The following FAM240B variants were observed in gnomAD, a reference collection of about 807,000 sequenced individuals.
The protein encoded by FAM240B is protein FAM240B.
Position 38,703,762 on chromosome 9 carries a change from G to A in FAM240B, c.143+95C>T, listed in dbSNP as rs1290517965. 3.0e-5 allele frequency: 12 copies of A among 397,512 alleles called. No individual in the cohort carries two copies. In the East Asian group the frequency reaches 4.3e-4, roughly 14 times the overall value. The allele number at this position is 397,512 out of a possible 1,614,324, so 24.6% of individuals were successfully genotyped here. On this transcript the variant is annotated intron_variant, in intron 2 of 2. Coordinates refer to ENST00000637493, the MANE Select transcript of FAM240B (RefSeq NM_001394922.1). Reference sequence around the variant, plus strand: ...AGCATATGTACCTTCCTACAGCAGTGGGTACCAAAGAGAATTCCCTACCTG... The same window carrying A: ...AGCATATGTACCTTCCTACAGCAGTAGGTACCAAAGAGAATTCCCTACCTG...
chr9:38,706,870 C>T lies in FAM240B; in HGVS notation c.-3-2868G>A, dbSNP rs7870925. ...TGAAAGAGAAGCCACTAACAAAATA[C>T]ATCTGATTTTACATTTTCATTCATA... On this transcript the variant is annotated intron_variant, in intron 1 of 2. Transcript: ENST00000637493. 1.3e-3 allele frequency among the ~76,000 whole-genome samples: 194 copies of T among 152,334 alleles called. 1 individual carries two copies. Among genetic ancestry groups the T allele is most frequent in the African/African-American group, 3.8e-3 (158 of 41,572 alleles).
At chr9:38,703,506 T>C (rs1443000488) in intron 2 of FAM240B, among the ~76,000 whole-genome samples, 1 of 152,182 alleles carries the variant, frequency 6.6e-6, no homozygotes, top group African/African-American at 2.4e-5. Context: ...CTGCCTTGCC[T>C]TTTTCATAGA....
intron 2 of FAM240B, 119 bp from the exon 3 acceptor site, chr9:38,694,988 C>G: frequency 5.1e-6 from 2 of 395,446 alleles, no homozygotes; most frequent in Non-Finnish European, 8.9e-6. Context: ...ATTGTGTGTT[C>G]CCCTCCCTGT....
intron 2 of FAM240B, among the ~76,000 whole-genome samples, chr9:38,699,154 T>G (rs563976200): frequency 6.6e-6 from 1 of 152,204 alleles, no homozygotes; most frequent in Non-Finnish European, 1.5e-5. Context: ...TGTTCTAGAT[T>G]CTTCTGATTT....
intron 1 of FAM240B, among the ~76,000 whole-genome samples, chr9:38,712,326 C>CT (rs942156050): frequency 2.0e-5 from 3 of 152,160 alleles, no homozygotes; most frequent in African/African-American, 7.2e-5. Flanking sequence ...ATGAAGCTTT[C>CT]TTTTATCACA....
At chr9:38,713,422 G>C (rs559786221) in intron 1 of FAM240B, among the ~76,000 whole-genome samples, 41 of 139,662 alleles carry the variant, frequency 2.9e-4, no homozygotes, top group African/African-American at 1.0e-3. Flanking sequence ...AGCTTGCAGT[G>C]AGCCGAGATC....
intron 2 of FAM240B, among the ~76,000 whole-genome samples, chr9:38,702,894 T>C (rs1338865671): frequency 6.6e-6 from 1 of 152,226 alleles, no homozygotes; most frequent in African/African-American, 2.4e-5. Context: ...ATTGTTTTAG[T>C]TTATCAAGAC....
chr9:38,713,319 A>C (rs1037797142), intron 1 of FAM240B, among the ~76,000 whole-genome samples: 1 of 152,044 alleles, frequency 6.6e-6, no homozygotes, highest in Admixed American at 6.5e-5. Flanking sequence ...TCTACTAAAA[A>C]TACAAAAGAT....
chr9:38,700,806 C>T (rs906188979), intron 2 of FAM240B, among the ~76,000 whole-genome samples: 4 of 152,198 alleles, frequency 2.6e-5, no homozygotes, highest in Non-Finnish European at 5.9e-5. Context: ...CCCACTTTGT[C>T]TTGTGATCTC....
chr9:38,696,453 G>A (rs1821069743), intron 2 of FAM240B, among the ~76,000 whole-genome samples: 1 of 152,122 alleles, frequency 6.6e-6, no homozygotes, highest in Non-Finnish European at 1.5e-5. Flanking sequence ...TCTGGCACAC[G>A]GGCCTGTTGC....
At chr9:38,695,113 G>A (rs1021237608) in intron 2 of FAM240B, among the ~76,000 whole-genome samples, 1 of 152,114 alleles carries the variant, frequency 6.6e-6, no homozygotes, top group Non-Finnish European at 1.5e-5. Context: ...TAATGCATGC[G>A]GGGCTTAAAA....
At chr9:38,697,830 A>T (rs1458660851) in intron 2 of FAM240B, among the ~76,000 whole-genome samples, 8 of 152,230 alleles carry the variant, frequency 5.3e-5, no homozygotes, top group Non-Finnish European at 1.2e-4. Flanking sequence ...GGTAGCTTGA[A>T]ATAGACTGTG....
At chr9:38,719,502 G>A (rs1313475128) in intron 1 of FAM240B, among the ~76,000 whole-genome samples, 1 of 152,120 alleles carries the variant, frequency 6.6e-6, no homozygotes, top group Non-Finnish European at 1.5e-5. Flanking sequence ...TATCTGATGA[G>A]GGGCTAGGGA....
At chr9:38,718,145 T>C (rs1475131324) in intron 1 of FAM240B, among the ~76,000 whole-genome samples, 3 of 152,272 alleles carry the variant, frequency 2.0e-5, no homozygotes, top group Admixed American at 6.5e-5. Context: ...TGTAGTAATC[T>C]GTTTATGGAT....
chr9:38,713,720 C>T (rs572945025), intron 1 of FAM240B, among the ~76,000 whole-genome samples: 2 of 152,072 alleles, frequency 1.3e-5, no homozygotes, highest in African/African-American at 4.8e-5. Context: ...GATTATGATG[C>T]GTCAACTTCT....
intron 1 of FAM240B, among the ~76,000 whole-genome samples, chr9:38,717,034 G>T (rs1421056306): frequency 6.6e-6 from 1 of 152,128 alleles, no homozygotes; most frequent in African/African-American, 2.4e-5. Flanking sequence ...GGTCTAAATG[G>T]AACAGCCCCC....
chr9:38,707,625 AC>A (rs1564000640), intron 1 of FAM240B, among the ~76,000 whole-genome samples: 8 of 142,286 alleles, frequency 5.6e-5, no homozygotes, highest in African/African-American at 8.5e-5. Flanking sequence ...AAAAAAAAAA[AC>A]AAAAAAAAAA....
At position 38,707,938 on chromosome 9, in the gene FAM240B, G is replaced by A. The variant is rs62570383; in HGVS notation, c.-3-3936C>T. Among the ~76,000 whole-genome samples the A allele has an allele frequency of 2.7e-3, 414 of 152,214 alleles. 1 individual carries two copies. Among genetic ancestry groups the A allele is most frequent in the Non-Finnish European group, 4.9e-3 (330 of 68,018 alleles). ...TTTCATAGAGTAGCTTGAGAGTAGT[G>A]GGCATGAACTTTGGAAGGACTTAGG... On this transcript the variant is annotated intron_variant, in intron 1 of 2. Transcript: ENST00000637493.
At chr9:38,705,422 T>TA (rs1821178085) in intron 1 of FAM240B, 27 of 150,238 alleles carry the variant, frequency 1.8e-4, no homozygotes, top group Admixed American at 1.7e-3. Context: ...ACCCTGTCTC[T>TA]ACAAAAATAC....
Sources: gnomAD v4.1 joint callset for allele counts (sites outside exome capture counted in the v4.1 genomes callset) on GRCh38, gnomAD v4.1.1 for gene constraint, MANE v1.5 for transcripts, NCBI Gene and HGNC (gene_info 2026-07-23, HGNC 2026-07-21) for gene names.